Variants in PTPN13 observed in about 807,000 individuals in gnomAD.
PTPN13 encodes the protein tyrosine-protein phosphatase non-receptor type 13.
In PTPN13, 191 loss-of-function variants were observed where a neutral mutation model predicts 284.0. That is an observed-to-expected ratio of 0.67 (90% CI 0.60 to 0.76). The LOEUF (loss-of-function observed/expected upper bound fraction) is 0.76, where lower values mean the gene tolerates loss of function less well. PTPN13 is among the 30% of genes least tolerant of loss of function. The pLI is 0.00. For missense variants in PTPN13, 2,797 were observed against 2,939.9 expected, an observed-to-expected ratio of 0.95 and a Z score of 1.12; for synonymous variants, 986 against 1,022.3, an observed-to-expected ratio of 0.96 and a Z score of 0.68.
chr4:86,675,550 A>T (rs1728181996), intron 3 of PTPN13, among the ~76,000 whole-genome samples: 1 of 152,180 alleles, frequency 6.6e-6, no homozygotes, highest in Non-Finnish European at 1.5e-5. Context: ...AGCACTCTTG[A>T]TACATGACAA....
chr4:86,758,876 A>G (rs932083239), intron 22 of PTPN13, 66 bp from the exon 23 acceptor site: 4 of 1,585,272 alleles, frequency 2.5e-6, no homozygotes, highest in Middle Eastern at 1.7e-4. Context: ...GAAAGAGATG[A>G]TATTTCTAAG....
Position 86,762,869 on chromosome 4 carries a change from C to T in PTPN13, c.3696C>T (p.Ser1232=), listed in dbSNP as rs920901500. 10 of 1,613,940 alleles carry T rather than the reference C, an allele frequency of 6.2e-6. No homozygotes were observed. Among genetic ancestry groups the T allele is most frequent in the Non-Finnish European group, 8.5e-6 (10 of 1,179,854 alleles). ...RGTLRHISEN[S]FGPSGGLREG... is the part of the protein sequence containing the mutation. ...CCCTGAGGCACATCTCGGAGAACTC[C>T]TTTGGGCCATCTGGGGGCCTGCGGG... Residue 1232 remains serine (S), a synonymous_variant, in exon 24 of 48, where the codon TCC becomes TCT. Coordinates refer to ENST00000411767, the MANE Select transcript of PTPN13 (RefSeq NM_080683.3).
At chr4:86,809,733 A>G (rs373274747) in intron 45 of PTPN13, 36 bp from the exon 46 acceptor site, 138 of 1,546,626 alleles carry the variant, frequency 8.9e-5, no homozygotes, top group Non-Finnish European at 1.1e-4. Context: ...ACAATATAAC[A>G]TGTCATGATC....
At position 86,758,973 on chromosome 4, in the gene PTPN13, T is replaced by C; in HGVS notation, c.3453T>C (p.Ser1151=). The part of the protein sequence containing the change: ...GDRLISVNSV[S]LEGVSHHAAI... ...GTTTGATATCTGTGAATAGTGTGAGTCTGGAGGGAGTCAGCCACCATGCTG... is the reference window on the plus strand; with the variant it reads ...GTTTGATATCTGTGAATAGTGTGAGCCTGGAGGGAGTCAGCCACCATGCTG... The change falls in exon 23 of 48, where the codon AGT becomes AGC. Residue 1151 remains serine, a synonymous_variant. Coordinates refer to ENST00000411767, the MANE Select transcript of PTPN13 (RefSeq NM_080683.3). 6.2e-7 allele frequency: 1 copy of C among 1,613,746 alleles called. No individual in the cohort carries two copies. The highest frequency in any genetic ancestry group is 8.5e-7 in the Non-Finnish European group (1 of 1,179,732).
chr4:86,786,069 A>T (rs1325310544), intron 40 of PTPN13, 133 bp downstream of exon 40: 4 of 437,974 alleles, frequency 9.1e-6, no homozygotes, highest in African/African-American at 4.1e-5. Flanking sequence ...ACGGAGATTA[A>T]TTTCATGTGT....
intron 19 of PTPN13, 58 bp from the exon 20 acceptor site, chr4:86,752,951 T>C (rs1430281534): frequency 1.6e-6 from 2 of 1,263,522 alleles, no homozygotes; most frequent in Non-Finnish European, 2.2e-6. Context: ...AAGAAATCAC[T>C]TCGATATCTA....
chr4:86,642,617 T>A (rs1723941743), intron 2 of PTPN13, among the ~76,000 whole-genome samples: 1 of 151,858 alleles, frequency 6.6e-6, no homozygotes, highest in Admixed American at 6.6e-5. Context: ...CACACCCGGC[T>A]AATTTTTTTG....
In PTPN13 at chr4:86,732,720, T is replaced by C. The variant is rs944041901; in HGVS notation, c.1812T>C (p.His604=). 1 of 1,613,404 alleles carries C rather than the reference T, an allele frequency of 6.2e-7. No homozygotes were observed. Residue 604 remains histidine (H), a synonymous_variant, in exon 12 of 48, where the codon CAT becomes CAC. Transcript: ENST00000411767. ...CKDVFDMVVA[H]IGLVEHHLFA... Reference sequence around the variant, plus strand: ...ATGTGTTTGATATGGTTGTGGCACATATTGGCTTAGTAGAGCATCATTTGT... The same window carrying C: ...ATGTGTTTGATATGGTTGTGGCACACATTGGCTTAGTAGAGCATCATTTGT...
intron 2 of PTPN13, among the ~76,000 whole-genome samples, chr4:86,645,667 A>C (rs564141230): frequency 6.6e-6 from 1 of 152,348 alleles, no homozygotes; most frequent in South Asian, 2.1e-4. Flanking sequence ...CAAAAAGTAA[A>C]ACACAGTGCT....
intron 1 of PTPN13, among the ~76,000 whole-genome samples, chr4:86,613,736 G>A (rs1720219860): frequency 6.6e-6 from 1 of 151,898 alleles, no homozygotes; most frequent in Non-Finnish European, 1.5e-5. Flanking sequence ...AGCCTGCTAT[G>A]TTAATTCTTT....
chr4:86,612,894 A>G (rs1720084546), intron 1 of PTPN13, among the ~76,000 whole-genome samples: 1 of 152,222 alleles, frequency 6.6e-6, no homozygotes, highest in Non-Finnish European at 1.5e-5. Flanking sequence ...AAGGCGAAAT[A>G]AAGTGGTTTT....
chr4:86,772,061 C>A, intron 31 of PTPN13, among the ~76,000 whole-genome samples: 1 of 152,158 alleles, frequency 6.6e-6, no homozygotes, highest in South Asian at 2.1e-4. Flanking sequence ...TTTATTTATT[C>A]AAGTTTTTTT....
rs200259376 is a variant in PTPN13 at position 86,684,396 on chromosome 4, A to G, written c.295-2314A>G. Among the ~76,000 whole-genome samples the G allele has an allele frequency of 7.2e-5, 11 of 152,188 alleles. No homozygotes were observed. In the East Asian group the frequency reaches 2.1e-3, roughly 29 times the overall value. ...AACAGAAAATTATCTAGATGTGCCT[A>G]GTGTTTAGGTTGTGATAAGGGAAGG... On this transcript the variant is annotated intron_variant, in intron 3 of 47. Coordinates refer to ENST00000411767, the MANE Select transcript of PTPN13 (RefSeq NM_080683.3).
chr4:86,654,828 G>T (rs571123375), intron 2 of PTPN13, among the ~76,000 whole-genome samples: 25 of 152,234 alleles, frequency 1.6e-4, no homozygotes, highest in African/African-American at 5.5e-4. Flanking sequence ...TATGTCTAAT[G>T]TTGACAGTGG....
At chr4:86,787,474 C>T (rs1271263608) in intron 40 of PTPN13, among the ~76,000 whole-genome samples, 3 of 151,992 alleles carry the variant, frequency 2.0e-5, no homozygotes, top group Non-Finnish European at 4.4e-5. Flanking sequence ...TGCCTGTAAT[C>T]CCAGCTACTC....
intron 1 of PTPN13, among the ~76,000 whole-genome samples, chr4:86,598,886 T>C (rs1461267571): frequency 1.3e-5 from 2 of 152,166 alleles, no homozygotes; most frequent in African/African-American, 4.8e-5. Flanking sequence ...CGCCTCAGCA[T>C]CCTGAATAAC....
At chr4:86,804,191 C>T (rs996037654) in intron 43 of PTPN13, among the ~76,000 whole-genome samples, 5 of 150,862 alleles carry the variant, frequency 3.3e-5, no homozygotes, top group Admixed American at 2.6e-4. Context: ...GTATTGTAGA[C>T]GTGTTTCATC....
At chr4:86,758,474 C>A in intron 21 of PTPN13, 125 bp downstream of exon 21, 2 of 936,344 alleles carry the variant, frequency 2.1e-6, no homozygotes, top group Non-Finnish European at 3.2e-6. Context: ...TGGCTGCCCA[C>A]CTACAAGCCC....
intron 38 of PTPN13, 69 bp downstream of exon 38, chr4:86,784,627 G>C (rs894943099): frequency 3.0e-6 from 3 of 985,970 alleles, no homozygotes; most frequent in Non-Finnish European, 4.6e-6. Context: ...AAAAAAAATA[G>C]GTATCCTCTT....
Sources: gnomAD v4.1 joint callset for allele counts (sites outside exome capture counted in the v4.1 genomes callset) on GRCh38, gnomAD v4.1.1 for gene constraint, MANE v1.5 for transcripts, NCBI Gene and HGNC (gene_info 2026-07-23, HGNC 2026-07-21) for gene names.